MGA: variants seen among roughly 807,000 people sequenced by gnomAD.
MGA encodes MAX gene-associated protein.
Under a neutral mutation model 261.1 loss-of-function variants are expected in MGA, and 40 were observed. That is an observed-to-expected ratio of 0.15 (90% confidence interval 0.12 to 0.20). The LOEUF (loss-of-function observed/expected upper bound fraction) is 0.20, where lower values mean the gene tolerates loss of function less well. Among genes scored for constraint, MGA ranks in the 10% least tolerant of loss-of-function variants. The pLI, the probability that MGA is intolerant of heterozygous loss-of-function variation, is 1.00. For synonymous variants in MGA, 1,302 were observed against 1,290.6 expected, an observed-to-expected ratio of 1.01 and a Z score of -0.19; for missense variants, 3,397 against 3,630.5, an observed-to-expected ratio of 0.94 and a Z score of 1.65.
chr15:41,673,819 A>G (rs1255044597), intron 2 of MGA, among the ~76,000 whole-genome samples: 1 of 152,132 alleles, frequency 6.6e-6, no homozygotes, highest in Non-Finnish European at 1.5e-5. Flanking sequence ...CTGGAATTAC[A>G]GGCGTGAGCT....
intron 1 of MGA, among the ~76,000 whole-genome samples, chr15:41,664,709 C>CT (rs1448724668): frequency 6.6e-6 from 1 of 152,022 alleles, no homozygotes; most frequent in East Asian, 1.9e-4. Flanking sequence ...TAAGTACAAG[C>CT]TAGGAGTTTG....
At chr15:41,751,242 A>G (rs1435280151) in intron 17 of MGA, 1 of 151,850 alleles carries the variant, frequency 6.6e-6, no homozygotes. Context: ...TAGGATTCCT[A>G]TTTAGGGTTG....
Position 41,762,239 on chromosome 15 carries a change from T to C in MGA, c.7621T>C (p.Ser2541Pro). 1 of 1,613,858 alleles carries C rather than the reference T, an allele frequency of 6.2e-7. No individual in the cohort carries two copies. Among genetic ancestry groups the C allele is most frequent in the Non-Finnish European group, 8.5e-7 (1 of 1,179,860 alleles). Residue 2541 changes from serine (S) to proline (P), a missense_variant, in exon 22 of 24, where the codon TCT (serine) becomes CCT (proline). Ser to Pro is a moderately conservative substitution (Grantham distance 74). Coordinates refer to ENST00000219905, the MANE Select transcript of MGA (RefSeq NM_001164273.2). ...GATGGGATCAGATGAGTTTGACATA[T>C]CTCCCAGAATTAGCAAACAGCAGGA...
Position 41,696,728 on chromosome 15 carries a change from T to C in MGA, c.1718T>C (p.Val573Ala), listed in dbSNP as rs1309481091. 20 of 1,612,296 alleles carry C rather than the reference T, an allele frequency of 1.2e-5. No homozygotes were observed. The highest frequency in any genetic ancestry group is 1.6e-5 in the Non-Finnish European group (19 of 1,179,154). Residue 573 changes from valine to alanine, a missense_variant, in exon 3 of 24, where the codon GTT (valine) becomes GCT (alanine). Coordinates refer to ENST00000219905, the MANE Select transcript of MGA (RefSeq NM_001164273.2). ...ATACTCGACGATTCAAAGGATTCAG[T>C]TGGAGACTCACTTTCAGGAAAAGAG...
chr15:41,753,180 C>T (rs932696472), intron 17 of MGA, among the ~76,000 whole-genome samples: 2 of 152,122 alleles, frequency 1.3e-5, no homozygotes, highest in African/African-American at 4.8e-5. Context: ...GAGGCTGAGG[C>T]AGGCGGATCA....
chr15:41,626,285 CTTT>C (rs35419067), intron 1 of MGA, among the ~76,000 whole-genome samples: 10 of 137,866 alleles, frequency 7.3e-5, no homozygotes, highest in Non-Finnish European at 4.7e-5. Flanking sequence ...CTATTTTCCT[CTTT>C]TTTTTTTTTT....
At chr15:41,626,285 CTTTTT>C (rs35419067) in intron 1 of MGA, among the ~76,000 whole-genome samples, 2 of 137,874 alleles carry the variant, frequency 1.5e-5, no homozygotes, top group African/African-American at 2.6e-5. Context: ...CTATTTTCCT[CTTTTT>C]TTTTTTTTTT....
At chr15:41,654,397 TA>T (rs2057125213) in intron 1 of MGA, among the ~76,000 whole-genome samples, 1 of 152,172 alleles carries the variant, frequency 6.6e-6, no homozygotes, top group African/African-American at 2.4e-5. Flanking sequence ...ATCATAGTAA[TA>T]ATAGATGATG....
chr15:41,747,228 T>C (rs2062555541), intron 15 of MGA, among the ~76,000 whole-genome samples: 1 of 152,194 alleles, frequency 6.6e-6, no homozygotes. Flanking sequence ...CTTAAGTAAT[T>C]TTTTCCTTCT....
At chr15:41,705,857 T>C (rs2060081331) in intron 5 of MGA, among the ~76,000 whole-genome samples, 1 of 152,258 alleles carries the variant, frequency 6.6e-6, no homozygotes, top group South Asian at 2.1e-4. Context: ...CTCATTATCC[T>C]ATATTTCCCG....
rs1404285674 is a variant in MGA, at chr15:41,713,286, C to A, written c.3220C>A (p.Pro1074Thr). The change falls in exon 9 of 24, where the codon CCA becomes ACA. Residue 1074 changes from proline (P) to threonine (T), a missense_variant. By Grantham distance (38) the Pro-to-Thr change is conservative. Transcript: ENST00000219905. Reference sequence around the variant, plus strand: ...GCGCCAACCTGCTCACTGCCGCCGACCAGACTGCATGTTTGGTTGTACTTG... The same window carrying A: ...GCGCCAACCTGCTCACTGCCGCCGAACAGACTGCATGTTTGGTTGTACTTG... 10 of 1,613,820 alleles carry A rather than the reference C, an allele frequency of 6.2e-6. No individual in the cohort carries two copies. Among genetic ancestry groups the A allele is most frequent in the African/African-American group, 1.3e-5 (1 of 74,880 alleles).
At chr15:41,656,467 G>C (rs888538689), upstream of MGA, among the ~76,000 whole-genome samples, 1 of 151,066 alleles carries the variant, frequency 6.6e-6, no homozygotes. Context: ...TCACCCTCCT[G>C]AGTGGCTGGG....
chr15:41,685,035 TAAAG>T (rs781458279), intron 2 of MGA, among the ~76,000 whole-genome samples: 38 of 152,312 alleles, frequency 2.5e-4, no homozygotes, highest in African/African-American at 5.1e-4. Context: ...AAAAAATTGA[TAAAG>T]AGAGAGCTGT....
intron 1 of MGA, among the ~76,000 whole-genome samples, chr15:41,628,951 A>G (rs1411854514): frequency 1.3e-5 from 2 of 152,156 alleles, no homozygotes; most frequent in Non-Finnish European, 2.9e-5. Flanking sequence ...CATCCTGGCT[A>G]ACATGGTGAA....
intron 9 of MGA, 117 bp downstream of exon 9, chr15:41,713,613 C>T (rs2060486066): frequency 1.6e-6 from 2 of 1,214,958 alleles, no homozygotes; most frequent in African/African-American, 3.1e-5. Context: ...AGCTTTGAGA[C>T]TTCTTATTAT....
chr15:41,647,204 C>T (rs1393618905), intron 1 of MGA, among the ~76,000 whole-genome samples: 4 of 152,158 alleles, frequency 2.6e-5, no homozygotes, highest in Non-Finnish European at 5.9e-5. Flanking sequence ...CAAACTTGTG[C>T]TTACAATTTT....
At chr15:41,700,847 A>C (rs1417862300) in intron 5 of MGA, among the ~76,000 whole-genome samples, 1 of 152,240 alleles carries the variant, frequency 6.6e-6, no homozygotes. Flanking sequence ...AAGGGTGTCT[A>C]GACTATTTAC....
chr15:41,706,236 C>CA lies in MGA; in HGVS notation c.2189-1476dup, dbSNP rs1239541105. On this transcript the variant is annotated intron_variant, in intron 5 of 23. Coordinates refer to ENST00000219905, the MANE Select transcript of MGA (RefSeq NM_001164273.2). ...TGGGCAACAGAGTGAGACTCCATCT[C>CA]AAAAAAAAAAAAAAAATGAATAAAT... Among the ~76,000 whole-genome samples the CA allele has an allele frequency of 5.0e-3, 247 of 49,130 alleles. 3 individuals are homozygous for CA. The East Asian group carries it at 0.15, about 30-fold the overall frequency. 32.2% of individuals were successfully genotyped at this position (49,130 alleles called of 152,430 possible).
chr15:41,761,638 G>A, intron 20 of MGA, 101 bp from the exon 21 acceptor site: 1 of 602,028 alleles, frequency 1.7e-6, no homozygotes, highest in Non-Finnish European at 2.8e-6. Context: ...CTCTTAAGAT[G>A]TCAGATTAAG....
Sources: allele counts gnomAD v4.1 joint callset (sites outside exome capture counted in the v4.1 genomes callset), GRCh38; gene constraint gnomAD v4.1.1; transcripts MANE v1.5; gene names NCBI Gene and HGNC (gene_info 2026-07-23, HGNC 2026-07-21).